The following PDE3B variants were observed in gnomAD, a reference collection of about 807,000 sequenced individuals.
PDE3B encodes cGMP-inhibited 3',5'-cyclic phosphodiesterase 3B.
PDE3B carries 66 observed loss-of-function variants against 116.8 expected under a neutral mutation model. The observed-to-expected ratio is 0.56, with a 90% CI of 0.46 to 0.69. PDE3B has a LOEUF of 0.69. Among genes scored for constraint, PDE3B ranks in the 30% least tolerant of loss-of-function variants. The pLI is 0.00. For missense variants in PDE3B, 1,384 were observed against 1,368.1 expected, an observed-to-expected ratio of 1.01 and a Z score of -0.18; for synonymous variants, 595 against 533.6, an observed-to-expected ratio of 1.12 and a Z score of -1.59.
At chr11:14,666,021 G>T (rs1157045568) in intron 1 of PDE3B, among the ~76,000 whole-genome samples, 4 of 152,020 alleles carry the variant, frequency 2.6e-5, no homozygotes, top group Non-Finnish European at 5.9e-5. Flanking sequence ...CACACTACCT[G>T]ACTTCAAACT....
intron 13 of PDE3B, among the ~76,000 whole-genome samples, chr11:14,860,920 TACACAC>T (rs3834439): frequency 2.0e-5 from 3 of 150,060 alleles, no homozygotes; most frequent in Non-Finnish European, 4.5e-5. Context: ...TATATATATA[TACACAC>T]ACACACACAC....
At chr11:14,792,041 T>C (rs1234568355) in intron 4 of PDE3B, among the ~76,000 whole-genome samples, 1 of 152,134 alleles carries the variant, frequency 6.6e-6, no homozygotes, top group African/African-American at 2.4e-5. Flanking sequence ...AAACCTCACA[T>C]ACAGAGAGCT....
chr11:14,818,254 C>T lies in PDE3B; in HGVS notation c.1594C>T (p.Arg532Ter), dbSNP rs753164448. The change falls in exon 6 of 16, where the codon CGA becomes TGA. Residue 532 changes from arginine to a stop codon, truncating the protein, a stop_gained. Transcript: ENST00000282096. LOFTEE classifies it high-confidence loss of function. ...GPVSTGSLTN[R>*]SPIEFPDTAD... is the part of the protein sequence containing the mutation. ...AGTGTCTACTGGCTCTCTAACTAAT[C>T]GATCACCCATAGAATTTCCTGATAC... 6 of 1,613,362 alleles carry T rather than the reference C, an allele frequency of 3.7e-6. No individual in the cohort carries two copies. Among genetic ancestry groups the T allele is most frequent in the Non-Finnish European group, 5.1e-6 (6 of 1,179,428 alleles).
intron 1 of PDE3B, among the ~76,000 whole-genome samples, chr11:14,723,966 C>T (rs1044034589): frequency 2.6e-5 from 4 of 152,052 alleles, no homozygotes; most frequent in Non-Finnish European, 5.9e-5. Flanking sequence ...GGGAAGCTAT[C>T]GAAAAGTTTT....
chr11:14,704,051 T>C (rs888857853), intron 1 of PDE3B, among the ~76,000 whole-genome samples: 21 of 151,784 alleles, frequency 1.4e-4, no homozygotes, highest in East Asian at 1.9e-4. Flanking sequence ...GCTTGATATG[T>C]GGCCTGAATC....
chr11:14,667,231 C>G (rs550804924), intron 1 of PDE3B, among the ~76,000 whole-genome samples: 47 of 146,364 alleles, frequency 3.2e-4, no homozygotes, highest in African/African-American at 1.2e-3. Flanking sequence ...GGGAATTGAA[C>G]AATGAGAACA....
At chr11:14,889,012 T>G in the PDE3B span, among the ~76,000 whole-genome samples, 1 of 152,180 alleles carries the variant, frequency 6.6e-6, no homozygotes, top group African/African-American at 2.4e-5. Context: ...TGTGATACAC[T>G]TCTATTTAAG....
intron 1 of PDE3B, among the ~76,000 whole-genome samples, chr11:14,727,963 A>G (rs753586171): frequency 6.6e-6 from 1 of 152,104 alleles, no homozygotes; most frequent in African/African-American, 2.4e-5. Context: ...GATGAAGAGC[A>G]TGCTTATAGG....
In PDE3B at chr11:14,716,332, G is replaced by C. The variant is rs530656218; in HGVS notation, c.979-55605G>C. On this transcript the variant is annotated intron_variant, in intron 1 of 15. Transcript: ENST00000282096. ...TGAGATCAAACTGCAAGGCGGCAGC[G>C]AGGCTGGGGGAGGGGAGCCCGCCAT... Among the ~76,000 whole-genome samples, 3 of 152,222 alleles carry C rather than the reference G, an allele frequency of 2.0e-5. No homozygotes were observed. In the South Asian group the frequency reaches 6.2e-4, roughly 32 times the overall value.
intron 1 of PDE3B, among the ~76,000 whole-genome samples, chr11:14,702,984 A>G (rs1279570642): frequency 6.6e-6 from 1 of 151,850 alleles, no homozygotes; most frequent in Non-Finnish European, 1.5e-5. Flanking sequence ...CTGGGTACCT[A>G]GTAACACCAA....
At chr11:14,873,276 A>G (rs555421540), downstream of PDE3B, among the ~76,000 whole-genome samples, 10 of 152,302 alleles carry the variant, frequency 6.6e-5, no homozygotes, top group East Asian at 1.9e-4. Context: ...ACTTCATTCT[A>G]TTTTGTAGAA....
At chr11:14,725,420 CCCTTCCTT>C (rs374827753) in intron 1 of PDE3B, among the ~76,000 whole-genome samples, 1 of 139,578 alleles carries the variant, frequency 7.2e-6, no homozygotes, top group African/African-American at 2.7e-5. Flanking sequence ...TTTTTCTTTT[CCCTTCCTT>C]CCTTCCTTCC....
At chr11:14,690,052 C>A (rs1855001761) in intron 1 of PDE3B, among the ~76,000 whole-genome samples, 2 of 152,086 alleles carry the variant, frequency 1.3e-5, no homozygotes, top group Non-Finnish European at 2.9e-5. Context: ...GGAAGGATAT[C>A]AAGGAATACT....
chr11:14,669,456 G>A (rs1257166978), intron 1 of PDE3B, among the ~76,000 whole-genome samples: 1 of 152,082 alleles, frequency 6.6e-6, no homozygotes, highest in Admixed American at 6.6e-5. Context: ...TGAAATATTC[G>A]TAACACTACC....
intron 1 of PDE3B, among the ~76,000 whole-genome samples, chr11:14,660,155 G>A (rs1432246930): frequency 1.8e-4 from 27 of 152,182 alleles, no homozygotes; most frequent in African/African-American, 2.4e-5. Context: ...GGAAGACAGA[G>A]GATGTAGAGT....
At chr11:14,793,876 A>G (rs1858466726) in intron 4 of PDE3B, among the ~76,000 whole-genome samples, 1 of 152,222 alleles carries the variant, frequency 6.6e-6, no homozygotes, top group Non-Finnish European at 1.5e-5. Context: ...TTATATTAGC[A>G]AACTTGACCC....
intron 11 of PDE3B, among the ~76,000 whole-genome samples, chr11:14,837,334 T>C (rs993956799): frequency 1.3e-5 from 2 of 152,232 alleles, no homozygotes; most frequent in Non-Finnish European, 2.9e-5. Context: ...TCCTCTTTGC[T>C]TACGAGTTCT....
chr11:14,830,949 A>AT, intron 8 of PDE3B, 103 bp downstream of exon 8: 3 of 601,720 alleles, frequency 5.0e-6, no homozygotes, highest in Non-Finnish European at 7.5e-6. Flanking sequence ...ATATAGTAGT[A>AT]TTTTTTAATT....
chr11:14,655,000 A>G (rs577021625), intron 1 of PDE3B, among the ~76,000 whole-genome samples: 2 of 152,304 alleles, frequency 1.3e-5, no homozygotes, highest in South Asian at 4.1e-4. Flanking sequence ...AAAGCATGTA[A>G]AAAGATGATA....
Sources: allele counts gnomAD v4.1 joint callset (sites outside exome capture counted in the v4.1 genomes callset), GRCh38; gene constraint gnomAD v4.1.1; transcripts MANE v1.5; gene names NCBI Gene and HGNC (gene_info 2026-07-23, HGNC 2026-07-21).